Variants in PLA2R1 observed in about 807,000 individuals in gnomAD.
PLA2R1 encodes phospholipase A2 receptor 1, also known as secretory phospholipase A2 receptor.
In PLA2R1, 158 loss-of-function variants were observed where a neutral mutation model predicts 195.9. That is an observed-to-expected ratio of 0.81 (90% CI 0.71 to 0.92). The LOEUF is 0.92. Ranked by LOEUF, PLA2R1 falls within the 40% of genes least tolerant of loss-of-function variation. The pLI, the probability that PLA2R1 is intolerant of heterozygous loss-of-function variation, is 0.00. For missense variants in PLA2R1, 1,626 were observed against 1,764.6 expected, an observed-to-expected ratio of 0.92 and a Z score of 1.41; for synonymous variants, 586 against 598.2, an observed-to-expected ratio of 0.98 and a Z score of 0.30.
chr2:159,966,052 G>C (rs1428054543), intron 20 of PLA2R1, among the ~76,000 whole-genome samples: 4 of 152,152 alleles, frequency 2.6e-5, no homozygotes, highest in Non-Finnish European at 5.9e-5. Flanking sequence ...CTTCTCATAT[G>C]TAAAATGAGG....
At position 159,944,903 on chromosome 2, in the gene PLA2R1, T is replaced by C. The variant is rs771832054; in HGVS notation, c.4144+3A>G. 3.1e-6 allele frequency: 5 copies of C among 1,607,100 alleles called. No homozygotes were observed. In the South Asian group the frequency reaches 5.5e-5, roughly 18 times the overall value. ...TGAAGAATTACTCTCTGACTTTACCTACCTGCCTCCATTTTACATATAAAG... is the reference window on the plus strand; with the variant it reads ...TGAAGAATTACTCTCTGACTTTACCCACCTGCCTCCATTTTACATATAAAG... On this transcript the variant is annotated splice_donor_region_variant and intron_variant, in intron 28 of 29. Coordinates refer to ENST00000283243, the MANE Select transcript of PLA2R1 (RefSeq NM_007366.5).
Position 160,032,941 on chromosome 2 carries a change from C to T in PLA2R1, c.841+18G>A, listed in dbSNP as rs201364688. The T allele has an allele frequency of 2.6e-5, 39 of 1,529,304 alleles. No homozygotes were observed. Among genetic ancestry groups the T allele is most frequent in the East Asian group, 2.5e-4 (11 of 44,046 alleles). 94.7% of individuals were successfully genotyped at this position (1,529,304 alleles called of 1,614,324 possible). A position where few individuals can be genotyped will look rare whatever the true frequency, so the allele number is the denominator to read the frequency against. On this transcript the variant is annotated intron_variant, in intron 4 of 29. Coordinates refer to ENST00000283243, the MANE Select transcript of PLA2R1 (RefSeq NM_007366.5). The stretch of plus-strand genomic sequence containing the variant: ...CTTTTATTGTATCAATATCAATGTG[C>T]GTCATCCACCTACTTACCCCTTATG...
In PLA2R1 at chr2:159,956,595, G is replaced by A; in HGVS notation, c.2937C>T (p.Ser979=). 1 of 1,612,438 alleles carries A rather than the reference G, an allele frequency of 6.2e-7. No homozygotes were observed. Among genetic ancestry groups the A allele is most frequent in the Non-Finnish European group, 8.5e-7 (1 of 1,178,560 alleles). Reference sequence around the variant, plus strand: ...GAGCATGCGTCCAGTTCTTCCAACTGCTTGGGTCTTTGGGGATATTCAGCA... The same window carrying A: ...GAGCATGCGTCCAGTTCTTCCAACTACTTGGGTCTTTGGGGATATTCAGCA... ...CLLLNIPKDP[S]SWKNWTHAQH... The change falls in exon 21 of 30, where the codon AGC becomes AGT. Residue 979 remains serine (S), a synonymous_variant. Transcript: ENST00000283243.
intron 1 of PLA2R1, among the ~76,000 whole-genome samples, chr2:160,050,688 C>G (rs1354692917): frequency 6.6e-6 from 1 of 152,144 alleles, no homozygotes; most frequent in Non-Finnish European, 1.5e-5. Context: ...TAGTGTTTGC[C>G]TGCAAGGAAG....
chr2:160,058,557 T>C (rs1233935851), intron 1 of PLA2R1, among the ~76,000 whole-genome samples: 1 of 150,520 alleles, frequency 6.6e-6, no homozygotes, highest in Non-Finnish European at 1.5e-5. Context: ...AAAACCCTTT[T>C]ACTTGCCCCC....
chr2:160,055,374 G>A (rs1269557625), intron 1 of PLA2R1, among the ~76,000 whole-genome samples: 1 of 152,182 alleles, frequency 6.6e-6, no homozygotes, highest in Non-Finnish European at 1.5e-5. Context: ...CTGAAATTCC[G>A]TTTCCAGATT....
At chr2:160,038,384 C>A (rs185948443) in intron 3 of PLA2R1, among the ~76,000 whole-genome samples, 1 of 152,296 alleles carries the variant, frequency 6.6e-6, no homozygotes, top group East Asian at 1.9e-4. Flanking sequence ...GTGACTGCTA[C>A]TTTGCGTTTC....
intron 20 of PLA2R1, among the ~76,000 whole-genome samples, chr2:159,960,513 G>A (rs982296437): frequency 1.3e-5 from 2 of 152,126 alleles, no homozygotes; most frequent in Non-Finnish European, 2.9e-5. Flanking sequence ...AAAAAACTAT[G>A]TTATGCACAA....
intron 2 of PLA2R1, 35 bp from the exon 3 acceptor site, chr2:160,042,233 T>C: frequency 6.3e-7 from 1 of 1,580,260 alleles, no homozygotes; most frequent in Non-Finnish European, 8.7e-7. Flanking sequence ...CAGATAAGTA[T>C]GATGTCAGCT....
intron 11 of PLA2R1, among the ~76,000 whole-genome samples, chr2:159,989,154 C>T (rs1690575848): frequency 6.6e-6 from 1 of 152,184 alleles, no homozygotes; most frequent in Non-Finnish European, 1.5e-5. Flanking sequence ...GCTCTACTGG[C>T]CCAGAACAGC....
At chr2:159,951,609 G>T in intron 23 of PLA2R1, 31 bp from the exon 24 acceptor site, 1 of 1,106,094 alleles carries the variant, frequency 9.0e-7, no homozygotes, top group Non-Finnish European at 1.4e-6. Flanking sequence ...AAAGTCATTT[G>T]CAGCATCTGG....
At chr2:160,015,157 T>C (rs1692646665) in intron 9 of PLA2R1, among the ~76,000 whole-genome samples, 1 of 152,226 alleles carries the variant, frequency 6.6e-6, no homozygotes, top group South Asian at 2.1e-4. Flanking sequence ...CTTTGTACAC[T>C]AGGTGCCATT....
chr2:160,046,713 G>A (rs1239128951), intron 1 of PLA2R1, among the ~76,000 whole-genome samples: 2 of 151,980 alleles, frequency 1.3e-5, no homozygotes, highest in Non-Finnish European at 2.9e-5. Context: ...CCATACATAA[G>A]AGCAAAAGAG....
At position 159,947,399 on chromosome 2, in the gene PLA2R1, A is replaced by C. The variant is rs1204585586; in HGVS notation, c.3850+20T>G. 1 of 1,584,272 alleles carries C rather than the reference A, an allele frequency of 6.3e-7. No individual in the cohort carries two copies. The highest frequency in any genetic ancestry group is 8.6e-7 in the Non-Finnish European group (1 of 1,167,418). ...AGAAGGAGCACATGAAAGCATTTTTACCATCACAAAAACAATTACCTTCCT... is the reference window on the plus strand; with the variant it reads ...AGAAGGAGCACATGAAAGCATTTTTCCCATCACAAAAACAATTACCTTCCT... On this transcript the variant is annotated intron_variant, in intron 26 of 29. Transcript: ENST00000283243.
At chr2:160,010,807 C>G (rs1272874345) in intron 10 of PLA2R1, among the ~76,000 whole-genome samples, 1 of 152,198 alleles carries the variant, frequency 6.6e-6, no homozygotes, top group Non-Finnish European at 1.5e-5. Flanking sequence ...AGAGCATTGG[C>G]CCTTTCTTTC....
intron 17 of PLA2R1, among the ~76,000 whole-genome samples, chr2:159,972,363 A>G (rs907210804): frequency 6.6e-6 from 1 of 152,232 alleles, no homozygotes; most frequent in African/African-American, 2.4e-5. Flanking sequence ...GAAATGTGAT[A>G]GAGAAGTAAG....
At chr2:159,981,505 A>C (rs1464834272) in intron 13 of PLA2R1, among the ~76,000 whole-genome samples, 1 of 152,120 alleles carries the variant, frequency 6.6e-6, no homozygotes, top group Non-Finnish European at 1.5e-5. Context: ...TCCCAGGCTC[A>C]ATTGATACTC....
intron 27 of PLA2R1, chr2:159,945,803 G>A (rs1687349473): frequency 1.0e-6 from 1 of 980,492 alleles, no homozygotes; most frequent in Non-Finnish European, 1.2e-6. Flanking sequence ...AACATCAAAA[G>A]GTAGGCATTA....
chr2:159,948,136 A>G (rs971058971), intron 25 of PLA2R1, among the ~76,000 whole-genome samples: 1 of 152,248 alleles, frequency 6.6e-6, no homozygotes, highest in Non-Finnish European at 1.5e-5. Flanking sequence ...CGGCTCCACC[A>G]CTTACTAGCT....
Sources: allele counts gnomAD v4.1 joint callset (sites outside exome capture counted in the v4.1 genomes callset), GRCh38; gene constraint gnomAD v4.1.1; transcripts MANE v1.5; gene names NCBI Gene and HGNC (gene_info 2026-07-23, HGNC 2026-07-21).